The following WARS2 variants were observed in gnomAD, a reference collection of about 807,000 sequenced individuals.
WARS2 encodes tryptophanyl tRNA synthetase 2, mitochondrial.
In WARS2, 28 loss-of-function variants were observed where a neutral mutation model predicts 36.5. The ratio of observed to expected loss-of-function variants is 0.77; its 90% CI spans 0.57 to 1.05. The LOEUF is 1.05. Ranked by LOEUF, WARS2 falls within the 50% of genes least tolerant of loss-of-function variation. WARS2 has a pLI of 0.00. For missense variants in WARS2, 435 were observed against 456.8 expected (o/e 0.95, Z 0.44); for synonymous variants, 174 against 178.4 (o/e 0.98, Z 0.20).
At chr1:119,096,801 T>C (rs929872053) in intron 1 of WARS2, among the ~76,000 whole-genome samples, 2 of 152,164 alleles carry the variant, frequency 1.3e-5, no homozygotes, top group South Asian at 2.1e-4. Context: ...AAAAATCAAA[T>C]AGCGCTCTCA....
chr1:119,120,120 G>C (rs932625786), intron 1 of WARS2, among the ~76,000 whole-genome samples: 5 of 151,964 alleles, frequency 3.3e-5, no homozygotes, highest in Admixed American at 1.3e-4. Flanking sequence ...GAAACAAAAA[G>C]CTGGTTCTTT....
At chr1:119,060,061 C>T (rs766311139) in intron 2 of WARS2, among the ~76,000 whole-genome samples, 1 of 152,080 alleles carries the variant, frequency 6.6e-6, no homozygotes, top group African/African-American at 2.4e-5. Context: ...ATGTAACAAA[C>T]CTGCACTTGT....
intron 1 of WARS2, among the ~76,000 whole-genome samples, chr1:119,128,257 G>T (rs971709040): frequency 6.6e-6 from 1 of 151,814 alleles, no homozygotes; most frequent in Non-Finnish European, 1.5e-5. Context: ...GTATTTTTTA[G>T]TACAGATCGT....
intron 1 of WARS2, among the ~76,000 whole-genome samples, chr1:119,129,739 A>T (rs1390240430): frequency 1.3e-5 from 2 of 149,676 alleles, no homozygotes; most frequent in East Asian, 2.0e-4. Context: ...AAAAAAAAAT[A>T]AAATAAAATA....
chr1:119,043,508 T>C (rs1245767012), intron 3 of WARS2, among the ~76,000 whole-genome samples: 1 of 152,216 alleles, frequency 6.6e-6, no homozygotes, highest in Non-Finnish European at 1.5e-5. Flanking sequence ...ACTTAACTTT[T>C]CTGAGTATAC....
At chr1:119,056,605 CAAT>C (rs924997860) in intron 2 of WARS2, among the ~76,000 whole-genome samples, 1 of 149,562 alleles carries the variant, frequency 6.7e-6, no homozygotes, top group Non-Finnish European at 1.5e-5. Flanking sequence ...ACTTTATAAA[CAAT>C]AAGATGCACT....
intron 4 of WARS2, among the ~76,000 whole-genome samples, chr1:119,035,253 A>G (rs1647778272): frequency 1.3e-5 from 2 of 152,198 alleles, no homozygotes; most frequent in South Asian, 4.1e-4. Flanking sequence ...TATACATGCA[A>G]TGCTTGGCTG....
At chr1:119,096,240 T>TAACATGTATTTC (rs909732630) in intron 1 of WARS2, among the ~76,000 whole-genome samples, 60 of 152,344 alleles carry the variant, frequency 3.9e-4, no homozygotes, top group African/African-American at 1.4e-3. Flanking sequence ...AATTGTAAAG[T>TAACATGTATTTC]AATGCAGCAA....
intron 1 of WARS2, among the ~76,000 whole-genome samples, chr1:119,128,087 TC>T (rs1194813507): frequency 1.3e-5 from 2 of 152,150 alleles, no homozygotes; most frequent in African/African-American, 2.4e-5. Context: ...TTTAACTTTT[TC>T]TTTTGAGATG....
Position 119,131,458 on chromosome 1 carries a change from G to GTTTTTTTT in WARS2, c.90+9096_90+9097insAAAAAAAA, listed in dbSNP as rs761800862. 1.9e-3 allele frequency among the ~76,000 whole-genome samples: 258 copies of GTTTTTTTT among 134,230 alleles called. 6 individuals carry two copies. Among genetic ancestry groups the GTTTTTTTT allele is most frequent in the African/African-American group, 2.9e-3 (99 of 34,120 alleles). The allele number at this position is 134,230 out of a possible 152,430, so 88.1% of individuals were successfully genotyped here. ...GGATCCGGACTGTGCAAAGTTTTTT[G>GTTTTTTTT]TTTTTTGTTTTTTTTTTTTTTGAGA... is the stretch of plus-strand genomic sequence containing the variant. On this transcript the variant is annotated intron_variant, in intron 1 of 5. Coordinates refer to ENST00000235521, the MANE Select transcript of WARS2 (RefSeq NM_015836.4).
At chr1:119,041,410 A>C (rs868404859) in intron 4 of WARS2, among the ~76,000 whole-genome samples, 3 of 152,172 alleles carry the variant, frequency 2.0e-5, no homozygotes, top group Admixed American at 2.0e-4. Context: ...GAGTGCAGGG[A>C]TCAGCATCCT....
At position 119,032,875 on chromosome 1, in the gene WARS2, A is replaced by G; in HGVS notation, c.*36T>C. On this transcript the variant is annotated 3_prime_UTR_variant, in exon 6 of 6. Transcript: ENST00000235521. ...CCGTTATCAGAATGCATGGAGTGCAAGGCACAAAAGCCTTGCTGTGATTCG... is the reference window on the plus strand; with the variant it reads ...CCGTTATCAGAATGCATGGAGTGCAGGGCACAAAAGCCTTGCTGTGATTCG... 6.4e-7 allele frequency: 1 copy of G among 1,571,352 alleles called. No homozygotes were observed. The highest frequency in any genetic ancestry group is 8.7e-7 in the Non-Finnish European group (1 of 1,154,974).
intron 1 of WARS2, chr1:119,082,433 G>A: frequency 1.0e-6 from 1 of 985,350 alleles, no homozygotes; most frequent in Non-Finnish European, 1.2e-6. Context: ...GCCCTTTCAT[G>A]TACTTCATCT....
intron 1 of WARS2, chr1:119,084,980 C>T (rs1289882918): frequency 4.0e-6 from 2 of 498,616 alleles, no homozygotes; most frequent in Middle Eastern, 5.7e-4. Flanking sequence ...CCAAATCTAC[C>T]GAGCAGCTGA....
intron 2 of WARS2, among the ~76,000 whole-genome samples, chr1:119,053,488 G>T (rs1473930132): frequency 6.6e-6 from 1 of 152,106 alleles, no homozygotes; most frequent in Non-Finnish European, 1.5e-5. Flanking sequence ...GAATTGACCT[G>T]TAGAGAAATT....
chr1:119,036,752 C>G (rs950959583), intron 4 of WARS2, among the ~76,000 whole-genome samples: 6 of 152,178 alleles, frequency 3.9e-5, no homozygotes, highest in African/African-American at 1.4e-4. Flanking sequence ...GATGTCGGAT[C>G]CTTGCCTCTT....
At chr1:119,111,930 TTTTTTC>T (rs1309644549) in intron 1 of WARS2, among the ~76,000 whole-genome samples, 2 of 152,128 alleles carry the variant, frequency 1.3e-5, no homozygotes, top group African/African-American at 4.8e-5. Flanking sequence ...CAGATTTTTT[TTTTTTC>T]TTTGAGACGG....
chr1:119,074,265 G>A (rs1036538778), intron 2 of WARS2, among the ~76,000 whole-genome samples: 12 of 152,192 alleles, frequency 7.9e-5, no homozygotes, highest in African/African-American at 2.4e-4. Flanking sequence ...CCAAGAAGGC[G>A]AGAGACCCAG....
At chr1:119,056,516 A>G (rs1379622352) in intron 2 of WARS2, among the ~76,000 whole-genome samples, 1 of 143,570 alleles carries the variant, frequency 7.0e-6, no homozygotes, top group African/African-American at 2.6e-5. Flanking sequence ...TTGTAGACTT[A>G]GACTATAGAC....
Sources: allele counts gnomAD v4.1 joint callset (sites outside exome capture counted in the v4.1 genomes callset), GRCh38; gene constraint gnomAD v4.1.1; transcripts MANE v1.5; gene names NCBI Gene and HGNC (gene_info 2026-07-23, HGNC 2026-07-21).